Variants in INTS9 observed in about 807,000 individuals in gnomAD.
INTS9 encodes protein related to CPSF subunits of 74 kDa.
Under a neutral mutation model 79.7 loss-of-function variants are expected in INTS9, and 55 were observed. The observed-to-expected ratio is 0.69, with a 90% CI of 0.56 to 0.86. The LOEUF is 0.86. INTS9 is among the 40% of genes least tolerant of loss of function. The probability of loss-of-function intolerance (pLI) is 0.00; values close to 1 mark genes in which losing one functional copy is unlikely to be tolerated. For synonymous variants in INTS9, 319 were observed against 325.2 expected (o/e 0.98, Z 0.20); for missense variants, 721 against 831.5 (o/e 0.87, Z 1.64).
intron 1 of INTS9, among the ~76,000 whole-genome samples, chr8:28,883,940 C>A (rs1480241792): frequency 6.6e-6 from 1 of 152,076 alleles, no homozygotes; most frequent in East Asian, 1.9e-4. Context: ...CCCTTGTGAA[C>A]TGTTAACTAA....
intron 9 of INTS9, among the ~76,000 whole-genome samples, chr8:28,794,879 G>T (rs1804111590): frequency 6.6e-6 from 1 of 152,160 alleles, no homozygotes; most frequent in African/African-American, 2.4e-5. Context: ...CACTTTGGGA[G>T]ACTGAATTAA....
intron 6 of INTS9, among the ~76,000 whole-genome samples, chr8:28,819,589 C>G (rs954257171): frequency 6.6e-6 from 1 of 152,002 alleles, no homozygotes; most frequent in Admixed American, 6.6e-5. Context: ...GGTCAATTTT[C>G]GAATAGGTGT....
In INTS9 at chr8:28,822,612, G is replaced by A. The variant is rs766473623; in HGVS notation, c.489-9000C>T. Reference sequence around the variant, plus strand: ...CACATGAATGAAACGGCTTCAGTAAGAACCATCATCATGAACTCAAGGAAT... The same window carrying A: ...CACATGAATGAAACGGCTTCAGTAAAAACCATCATCATGAACTCAAGGAAT... On this transcript the variant is annotated intron_variant, in intron 6 of 16. Coordinates refer to ENST00000521022, the MANE Select transcript of INTS9 (RefSeq NM_018250.4). Among the ~76,000 whole-genome samples the A allele has an allele frequency of 5.9e-5, 9 of 152,210 alleles. No homozygotes were observed. The South Asian group carries it at 1.5e-3, about 25-fold the overall frequency.
intron 11 of INTS9, among the ~76,000 whole-genome samples, chr8:28,782,359 A>T (rs931342167): frequency 2.6e-5 from 4 of 152,256 alleles, no homozygotes; most frequent in African/African-American, 9.6e-5. Context: ...CATTCGTCAC[A>T]CCAGAAACAC....
intron 11 of INTS9, among the ~76,000 whole-genome samples, chr8:28,782,014 G>A (rs1264640403): frequency 3.9e-5 from 6 of 152,214 alleles, no homozygotes; most frequent in African/African-American, 7.2e-5. Flanking sequence ...GGGCAACTGC[G>A]TGTGTGGGGC....
intron 4 of INTS9, among the ~76,000 whole-genome samples, chr8:28,843,130 C>T (rs1311989639): frequency 6.6e-6 from 1 of 152,212 alleles, no homozygotes; most frequent in African/African-American, 2.4e-5. Flanking sequence ...GGAATCCTGA[C>T]AAGCGGTTCT....
At position 28,769,912 on chromosome 8, in the gene INTS9, G is replaced by T. The variant is rs1341389806; in HGVS notation, c.1777C>A (p.Gln593Lys). The T allele has an allele frequency of 1.2e-6, 2 of 1,614,064 alleles. No individual in the cohort carries two copies. The highest frequency in any genetic ancestry group is 8.5e-7 in the Non-Finnish European group (1 of 1,180,032). The change falls in exon 16 of 17, where the codon CAG becomes AAG. Residue 593 changes from glutamine to lysine, a missense_variant. Gln to Lys is a moderately conservative substitution (Grantham distance 53). Transcript: ENST00000521022. ...PLLSGSIPVE[Q>K]FVQTLEKHGF... Reference sequence around the variant, plus strand: ...ACCTTCTCCAGGGTCTGCACGAACTGCTCCACAGGGATGGAACCGCTCAAC... The same window carrying T: ...ACCTTCTCCAGGGTCTGCACGAACTTCTCCACAGGGATGGAACCGCTCAAC...
intron 6 of INTS9, among the ~76,000 whole-genome samples, chr8:28,819,140 G>A (rs908542422): frequency 1.3e-5 from 2 of 152,086 alleles, no homozygotes; most frequent in Non-Finnish European, 2.9e-5. Flanking sequence ...GGTTTTTTGT[G>A]TCTCTATTTC....
At chr8:28,783,378 AG>A (rs1006125256) in intron 11 of INTS9, among the ~76,000 whole-genome samples, 37 of 152,268 alleles carry the variant, frequency 2.4e-4, no homozygotes, top group Admixed American at 1.8e-3. Flanking sequence ...CAGCATCCAG[AG>A]GCTAGACACC....
At chr8:28,785,027 G>A (rs1478965004) in intron 11 of INTS9, among the ~76,000 whole-genome samples, 1 of 152,226 alleles carries the variant, frequency 6.6e-6, no homozygotes, top group East Asian at 1.9e-4. Flanking sequence ...GTACAGGTCA[G>A]TTATTTTGTT....
At chr8:28,811,638 C>G (rs974439664) in intron 8 of INTS9, among the ~76,000 whole-genome samples, 1 of 152,064 alleles carries the variant, frequency 6.6e-6, no homozygotes, top group African/African-American at 2.4e-5. Context: ...CCAGGCCGGT[C>G]CTGAACTCCT....
intron 1 of INTS9, among the ~76,000 whole-genome samples, chr8:28,881,088 G>A (rs1265589922): frequency 2.7e-5 from 4 of 149,642 alleles, no homozygotes; most frequent in Non-Finnish European, 1.5e-5. Flanking sequence ...AGTGAGGAGC[G>A]TCTCCGCCCG....
At position 28,854,578 on chromosome 8, in the gene INTS9, T is replaced by C. The variant is rs138377488; in HGVS notation, c.138-4305A>G. ...GTGAGGTGTTCATATTTTCACTCAC[T>C]GAATCTTTATTCGCGTGTCACTTTA... On this transcript the variant is annotated intron_variant, in intron 2 of 16. Coordinates refer to ENST00000521022, the MANE Select transcript of INTS9 (RefSeq NM_018250.4). Among the ~76,000 whole-genome samples, 462 of 152,328 alleles carry C rather than the reference T, an allele frequency of 3.0e-3. 1 individual carries two copies. The highest frequency in any genetic ancestry group is 0.011 in the African/African-American group (439 of 41,574).
At chr8:28,843,969 C>T (rs1020748465) in intron 4 of INTS9, among the ~76,000 whole-genome samples, 1 of 152,060 alleles carries the variant, frequency 6.6e-6, no homozygotes, top group Non-Finnish European at 1.5e-5. Flanking sequence ...TGAAGCACGA[C>T]GCAAGATCCA....
chr8:28,835,264 C>T, intron 6 of INTS9, 28 bp downstream of exon 6: 2 of 1,546,254 alleles, frequency 1.3e-6, no homozygotes, highest in Non-Finnish European at 8.9e-7. Context: ...TCTACAGTCT[C>T]TCGGTAAGAG....
intron 2 of INTS9, among the ~76,000 whole-genome samples, chr8:28,858,909 CAA>C: frequency 6.6e-6 from 1 of 152,302 alleles, no homozygotes; most frequent in East Asian, 1.9e-4. Context: ...TTTCCTAAGG[CAA>C]AGTCTTATTT....
chr8:28,876,647 C>T (rs1014904830), intron 1 of INTS9, among the ~76,000 whole-genome samples: 1 of 151,688 alleles, frequency 6.6e-6, no homozygotes, highest in African/African-American at 2.4e-5. Flanking sequence ...TCATTCTGCA[C>T]GTATAAGCCA....
At chr8:28,827,368 T>C (rs914903377) in intron 6 of INTS9, among the ~76,000 whole-genome samples, 1 of 152,236 alleles carries the variant, frequency 6.6e-6, no homozygotes, top group South Asian at 2.1e-4. Context: ...TTTTATTAAA[T>C]ATTAAAACTT....
chr8:28,818,796 T>G (rs2131086251), intron 6 of INTS9, among the ~76,000 whole-genome samples: 2 of 151,508 alleles, frequency 1.3e-5, no homozygotes, highest in Admixed American at 1.3e-4. Flanking sequence ...CTCTTTTTGG[T>G]TGGTAAGCTA....
Sources: gnomAD v4.1 joint callset for allele counts (sites outside exome capture counted in the v4.1 genomes callset) on GRCh38, gnomAD v4.1.1 for gene constraint, MANE v1.5 for transcripts, NCBI Gene and HGNC (gene_info 2026-07-23, HGNC 2026-07-21) for gene names.